CD4: variants seen among roughly 807,000 people sequenced by gnomAD.
CD4 encodes the protein T-cell surface glycoprotein CD4.
Under a neutral mutation model 50.5 loss-of-function variants are expected in CD4, and 25 were observed. That is an observed-to-expected ratio of 0.49 (90% CI 0.36 to 0.69). CD4 has a LOEUF of 0.69. CD4 is among the 30% of genes least tolerant of loss of function. CD4 has a pLI of 0.00. For synonymous variants in CD4, 207 were observed against 221.9 expected (o/e 0.93, Z 0.60); for missense variants, 456 against 548.5 (o/e 0.83, Z 1.68).
intron 7 of CD4, 105 bp downstream of exon 7, chr12:6,817,435 G>T (rs1464737989): frequency 2.1e-6 from 2 of 974,088 alleles, no homozygotes; most frequent in Admixed American, 2.1e-5. Flanking sequence ...GAGTTGGGGG[G>T]TTATGGGTAT....
Position 6,803,200 on chromosome 12 carries a change from G to A in CD4, c.214+2729G>A, listed in dbSNP as rs180728700. 1.5e-3 allele frequency among the ~76,000 whole-genome samples: 233 copies of A among 152,206 alleles called. 1 individual carries two copies. Among genetic ancestry groups the A allele is most frequent in the South Asian group, 4.2e-3 (20 of 4,812 alleles). ...GAGTCTCATTTGGACGCCTAGGCTGGAGTGCAGTGGCATGATCTCGGCTAA... is the reference window on the plus strand; with the variant it reads ...GAGTCTCATTTGGACGCCTAGGCTGAAGTGCAGTGGCATGATCTCGGCTAA... On this transcript the variant is annotated intron_variant, in intron 3 of 9. Transcript: ENST00000011653.
At chr12:6,801,031 A>C (rs1555115157) in intron 3 of CD4, among the ~76,000 whole-genome samples, 3 of 151,742 alleles carry the variant, frequency 2.0e-5, no homozygotes, top group African/African-American at 7.3e-5. Context: ...TCAGCCTCCC[A>C]AGTAGCTGGG....
At chr12:6,804,111 A>AAAAT (rs141689932) in intron 3 of CD4, among the ~76,000 whole-genome samples, 4,457 of 144,546 alleles carry the variant, frequency 0.031, 205 homozygotes, top group African/African-American at 0.1. Context: ...ACTCTGTCTC[A>AAAAT]AAATAAATAA....
At chr12:6,797,485 G>T (rs765836960) in intron 1 of CD4, among the ~76,000 whole-genome samples, 19 of 152,158 alleles carry the variant, frequency 1.2e-4, no homozygotes, top group Non-Finnish European at 1.5e-5. Flanking sequence ...AAGACACAGA[G>T]AAAGTATAGA....
At chr12:6,809,453 G>A (rs1942870824) in intron 3 of CD4, among the ~76,000 whole-genome samples, 1 of 151,556 alleles carries the variant, frequency 6.6e-6, no homozygotes, top group Admixed American at 6.6e-5. Context: ...CCGTGATTGC[G>A]CCACTGCACC....
At chr12:6,796,029 T>C (rs1050035226) in intron 1 of CD4, among the ~76,000 whole-genome samples, 1 of 152,194 alleles carries the variant, frequency 6.6e-6, no homozygotes, top group African/African-American at 2.4e-5. Context: ...AGTGACCCGT[T>C]TTAGAAACAG....
At chr12:6,819,212 C>A in intron 9 of CD4, 87 bp from the exon 10 acceptor site, 2 of 1,327,636 alleles carry the variant, frequency 1.5e-6, no homozygotes, top group Non-Finnish European at 2.2e-6. Context: ...TGGAGCTGTG[C>A]TGCGCTGGAA....
chr12:6,796,999 C>T (rs1250605843), intron 1 of CD4, among the ~76,000 whole-genome samples: 1 of 152,226 alleles, frequency 6.6e-6, no homozygotes, highest in Non-Finnish European at 1.5e-5. Flanking sequence ...CCTTTCCTCT[C>T]CATCTAACTT....
At position 6,804,694 on chromosome 12, in the gene CD4, G is replaced by A. The variant is rs61916280; in HGVS notation, c.214+4223G>A. ...TCAAGACCAGCCCGGGCAACATAGT[G>A]AGACCTTGTCTCTACAAAAAGTAAA... On this transcript the variant is annotated intron_variant, in intron 3 of 9. Transcript: ENST00000011653. Among the ~76,000 whole-genome samples, 817 of 152,196 alleles carry A rather than the reference G, an allele frequency of 5.4e-3. 3 individuals are homozygous for A. Among genetic ancestry groups the A allele is most frequent in the Non-Finnish European group, 9.1e-3 (616 of 67,996 alleles).
chr12:6,803,634 A>T (rs1942630328), intron 3 of CD4, among the ~76,000 whole-genome samples: 1 of 147,514 alleles, frequency 6.8e-6, no homozygotes, highest in African/African-American at 2.5e-5. Context: ...AATACCAAAA[A>T]ATTAGCCAGG....
chr12:6,813,957 T>C (rs1388434505), intron 3 of CD4, 185 bp from the exon 4 acceptor site: 5 of 560,422 alleles, frequency 8.9e-6, no homozygotes, highest in Non-Finnish European at 1.6e-5. Context: ...TGTGAGCTAC[T>C]GTCCCAGCCA....
intron 3 of CD4, among the ~76,000 whole-genome samples, chr12:6,812,205 G>A (rs1942958953): frequency 6.6e-6 from 1 of 152,082 alleles, no homozygotes; most frequent in Admixed American, 6.6e-5. Flanking sequence ...TTCGAGATCA[G>A]CCTGGGCAAC....
chr12:6,818,294 C>A lies in CD4; in HGVS notation c.1157-127C>A. 8.2e-7 allele frequency: 1 copy of A among 1,226,640 alleles called. No homozygotes were observed. Among genetic ancestry groups the A allele is most frequent in the Non-Finnish European group, 1.1e-6 (1 of 874,388 alleles). 76.0% of individuals were successfully genotyped at this position (1,226,640 alleles called of 1,614,324 possible). A position where few individuals can be genotyped will look rare whatever the true frequency, so the allele number is the denominator to read the frequency against. ...CTGGCGGCCTTTGAGAGCCCCCAGGCACCCCTCCCCTCTCCCCCAACCCCA... is the reference window on the plus strand; with the variant it reads ...CTGGCGGCCTTTGAGAGCCCCCAGGAACCCCTCCCCTCTCCCCCAACCCCA... On this transcript the variant is annotated intron_variant, in intron 7 of 9. Transcript: ENST00000011653. This position sits in a 1 kb window ranked among gnomAD's most constrained non-coding sequence, Gnocchi z 5.0.
At position 6,818,764 on chromosome 12, in the gene CD4, G is replaced by C; in HGVS notation, c.1279-83G>C. 7.5e-7 allele frequency: 1 copy of C among 1,336,924 alleles called. No homozygotes were observed. Among genetic ancestry groups the C allele is most frequent in the Non-Finnish European group, 1.1e-6 (1 of 928,166 alleles). The allele number at this position is 1,336,924 out of a possible 1,614,324, so 82.8% of individuals were successfully genotyped here. On this transcript the variant is annotated intron_variant, in intron 8 of 9. Coordinates refer to ENST00000011653, the MANE Select transcript of CD4 (RefSeq NM_000616.5). The surrounding 1 kb of genome is among the most constrained non-coding windows in gnomAD (Gnocchi z 5.0). ...CCATGTAACTGCTTCTCCTGTCGCA[G>C]CTTCCCCCACTCCCCCCACCAAGGG...
At chr12:6,793,916 G>C (rs1354801710) in intron 1 of CD4, among the ~76,000 whole-genome samples, 1 of 149,244 alleles carries the variant, frequency 6.7e-6, no homozygotes, top group Non-Finnish European at 1.5e-5. Context: ...GCCTCCCAAG[G>C]TGCTGGATTA....
In CD4 at chr12:6,818,309, C is replaced by T; in HGVS notation, c.1157-112C>T. ...AGCCCCCAGGCACCCCTCCCCTCTC[C>T]CCCAACCCCAGGGTCAAACCAGAGA... is the stretch of plus-strand genomic sequence containing the variant. On this transcript the variant is annotated intron_variant, in intron 7 of 9. Transcript: ENST00000011653. This position sits in a 1 kb window ranked among gnomAD's most constrained non-coding sequence, Gnocchi z 5.0. 7.0e-7 allele frequency: 1 copy of T among 1,433,964 alleles called. No individual in the cohort carries two copies. Among genetic ancestry groups the T allele is most frequent in the Non-Finnish European group, 9.5e-7 (1 of 1,050,718 alleles). 88.8% of individuals were successfully genotyped at this position (1,433,964 alleles called of 1,614,324 possible).
chr12:6,799,987 G>T (rs1942486530), intron 1 of CD4, 85 bp from the exon 2 acceptor site: 3 of 672,828 alleles, frequency 4.5e-6, no homozygotes, highest in Non-Finnish European at 7.9e-6. Context: ...TGGCTGCAAG[G>T]GTCCTGAGGG....
chr12:6,793,970 A>ATCTATATCTATCTATCTATCTATC (rs1555114029), intron 1 of CD4, among the ~76,000 whole-genome samples: 2 of 133,920 alleles, frequency 1.5e-5, no homozygotes, highest in South Asian at 2.4e-4. Flanking sequence ...CTATCTATCT[A>ATCTATATCTATCTATCTATCTATC]TATCTATCTA....
In CD4 at chr12:6,814,739, G is replaced by A. The variant is rs782390734; in HGVS notation, c.374-20G>A. On this transcript the variant is annotated intron_variant, in intron 4 of 9. Coordinates refer to ENST00000011653, the MANE Select transcript of CD4 (RefSeq NM_000616.5). Reference sequence around the variant, plus strand: ...TTGGGGATGGTATGTGTGTGACACAGCTGGCCTTTCCCTCCACAGTGACTG... The same window carrying A: ...TTGGGGATGGTATGTGTGTGACACAACTGGCCTTTCCCTCCACAGTGACTG... The A allele has an allele frequency of 3.8e-6, 6 of 1,570,466 alleles. No individual in the cohort carries two copies. The highest frequency in any genetic ancestry group is 5.3e-6 in the Non-Finnish European group (6 of 1,140,656).
Sources: allele counts gnomAD v4.1 joint callset (sites outside exome capture counted in the v4.1 genomes callset), GRCh38; gene constraint gnomAD v4.1.1; non-coding constraint Gnocchi (gnomAD v3.1); transcripts MANE v1.5; gene names NCBI Gene and HGNC (gene_info 2026-07-23, HGNC 2026-07-21).